BNC2: variants seen among roughly 807,000 people sequenced by gnomAD.
The protein encoded by BNC2 is zinc finger protein basonuclin-2.
In BNC2, 20 loss-of-function variants were observed where a neutral mutation model predicts 76.3. The ratio of observed to expected loss-of-function variants is 0.26; its 90% CI spans 0.18 to 0.38. BNC2 has a LOEUF of 0.38. Ranked by LOEUF, BNC2 falls within the 10% of genes least tolerant of loss-of-function variation. The probability of loss-of-function intolerance (pLI) is 1.00; values close to 1 mark genes in which losing one functional copy is unlikely to be tolerated. For synonymous variants in BNC2, 582 were observed against 514.8 expected (o/e 1.13, Z -1.77); for missense variants, 1,382 against 1,399.8 (o/e 0.99, Z 0.20).
intron 2 of BNC2, among the ~76,000 whole-genome samples, chr9:16,729,522 T>C (rs1363317560): frequency 6.6e-6 from 1 of 151,312 alleles, no homozygotes; most frequent in Non-Finnish European, 1.5e-5. Flanking sequence ...AGAACCGACA[T>C]CTCCTGAAAG....
chr9:16,870,163 G>A (rs1819643325), intron 1 of BNC2, among the ~76,000 whole-genome samples: 1 of 149,952 alleles, frequency 6.7e-6, no homozygotes, highest in Non-Finnish European at 1.5e-5. Flanking sequence ...AGCGCACCCG[G>A]CACCCACGCC....
chr9:16,694,485 T>C (rs1823276750), intron 3 of BNC2, among the ~76,000 whole-genome samples: 1 of 152,128 alleles, frequency 6.6e-6, no homozygotes, highest in Non-Finnish European at 1.5e-5. Flanking sequence ...CCTTGGCCCA[T>C]TTGACATGAG....
intron 1 of BNC2, among the ~76,000 whole-genome samples, chr9:16,764,811 G>C (rs1825646475): frequency 6.8e-6 from 1 of 148,020 alleles, no homozygotes; most frequent in African/African-American, 2.5e-5. Flanking sequence ...AGCTAAATTT[G>C]ATAAACTGAA....
intron 1 of BNC2, among the ~76,000 whole-genome samples, chr9:16,816,653 A>G (rs1818189699): frequency 6.6e-6 from 1 of 152,226 alleles, no homozygotes; most frequent in Non-Finnish European, 1.5e-5. Flanking sequence ...AAATCACGGC[A>G]CTTGTTAAAA....
At chr9:16,861,198 AT>A (rs1819401303) in intron 1 of BNC2, among the ~76,000 whole-genome samples, 2 of 147,766 alleles carry the variant, frequency 1.4e-5, no homozygotes, top group East Asian at 2.0e-4. Context: ...ATATATATAT[AT>A]ATAAATTAAC....
At chr9:16,450,310 C>A (rs1358774982) in intron 5 of BNC2, among the ~76,000 whole-genome samples, 1 of 152,168 alleles carries the variant, frequency 6.6e-6, no homozygotes, top group African/African-American at 2.4e-5. Flanking sequence ...AGACAGACTG[C>A]ATCAACTGCA....
intron 1 of BNC2, among the ~76,000 whole-genome samples, chr9:16,789,751 A>G (rs559827851): frequency 3.4e-4 from 51 of 152,216 alleles, no homozygotes; most frequent in Non-Finnish European, 6.6e-4. Context: ...TCACCAGTCA[A>G]CTAAGATCCA....
intron 6 of BNC2, chr9:16,421,339 GAGAA>G (rs1218863121): frequency 1.1e-5 from 13 of 1,165,878 alleles, no homozygotes; most frequent in African/African-American, 6.4e-5. Context: ...GACAGAGAGA[GAGAA>G]AGAAAGAGAA....
chr9:16,614,098 G>A (rs1202501510), intron 3 of BNC2, among the ~76,000 whole-genome samples: 4 of 152,186 alleles, frequency 2.6e-5, no homozygotes, highest in Non-Finnish European at 2.9e-5. Context: ...ACTTGGGAAT[G>A]AAATTAACCA....
At position 16,601,355 on chromosome 9, in the gene BNC2, A is replaced by G. The variant is rs537543809; in HGVS notation, c.331-18270T>C. Among the ~76,000 whole-genome samples the G allele has an allele frequency of 4.6e-4, 70 of 152,246 alleles. No homozygotes were observed. In the South Asian group the frequency reaches 5.8e-3, roughly 13 times the overall value. Reference sequence around the variant, plus strand: ...CTACTCCTGGCCCTATATTGTTAACACTTGTGGTACCAGAAGAGGCAGGGA... The same window carrying G: ...CTACTCCTGGCCCTATATTGTTAACGCTTGTGGTACCAGAAGAGGCAGGGA... On this transcript the variant is annotated intron_variant, in intron 3 of 6. Coordinates refer to ENST00000380672, the MANE Select transcript of BNC2 (RefSeq NM_017637.6).
At chr9:16,853,892 T>C (rs181441512) in intron 1 of BNC2, among the ~76,000 whole-genome samples, 33 of 152,262 alleles carry the variant, frequency 2.2e-4, no homozygotes, top group African/African-American at 7.9e-4. Context: ...AAATAAAATT[T>C]GGAGTTCATT....
chr9:16,752,673 G>A (rs1825256386), intron 1 of BNC2, among the ~76,000 whole-genome samples: 1 of 151,888 alleles, frequency 6.6e-6, no homozygotes, highest in Non-Finnish European at 1.5e-5. Flanking sequence ...TTTTATTCTA[G>A]ATTCTCTCTC....
chr9:16,795,879 TA>T (rs1817633313), intron 1 of BNC2, among the ~76,000 whole-genome samples: 2 of 151,926 alleles, frequency 1.3e-5, no homozygotes, highest in South Asian at 4.2e-4. Flanking sequence ...GGATGGGAGG[TA>T]AAGGTCATGG....
intron 1 of BNC2, among the ~76,000 whole-genome samples, chr9:16,800,677 T>C (rs1817759938): frequency 6.6e-6 from 1 of 152,166 alleles, no homozygotes; most frequent in African/African-American, 2.4e-5. Flanking sequence ...TTTTAAATAA[T>C]TTTCAGTGCA....
At chr9:16,549,766 T>TC (rs1459258816) in intron 5 of BNC2, among the ~76,000 whole-genome samples, 1 of 152,174 alleles carries the variant, frequency 6.6e-6, no homozygotes, top group Non-Finnish European at 1.5e-5. Flanking sequence ...TGCTTTTTTT[T>TC]CCAAACCGAG....
At chr9:16,485,708 G>C (rs1002451879) in intron 5 of BNC2, among the ~76,000 whole-genome samples, 1 of 152,100 alleles carries the variant, frequency 6.6e-6, no homozygotes, top group Non-Finnish European at 1.5e-5. Flanking sequence ...TGTAGTTCCA[G>C]CTGCGTGGGA....
At chr9:16,580,096 A>G in intron 4 of BNC2, 1 of 398,554 alleles carries the variant, frequency 2.5e-6, no homozygotes, top group Admixed American at 4.4e-5. Context: ...GCCGGAAAGA[A>G]TGCTGTGTTT....
chr9:16,782,022 C>T (rs1003821253), intron 1 of BNC2, among the ~76,000 whole-genome samples: 1 of 152,036 alleles, frequency 6.6e-6, no homozygotes, highest in African/African-American at 2.4e-5. Context: ...CGTGGTGGCT[C>T]ATGCCTGTAA....
chr9:16,758,613 G>A (rs1410300141), intron 1 of BNC2, among the ~76,000 whole-genome samples: 5 of 152,120 alleles, frequency 3.3e-5, no homozygotes, highest in Non-Finnish European at 7.3e-5. Context: ...ACGGGCATGA[G>A]CCACAGCGCC....
Sources: gnomAD v4.1 joint callset for allele counts (sites outside exome capture counted in the v4.1 genomes callset) on GRCh38, gnomAD v4.1.1 for gene constraint, MANE v1.5 for transcripts, NCBI Gene and HGNC (gene_info 2026-07-23, HGNC 2026-07-21) for gene names.